The following TPPP variants were observed in gnomAD, a reference collection of about 807,000 sequenced individuals.
The protein encoded by TPPP is tubulin polymerization promoting protein, also known as tubulin polymerization-promoting protein.
A neutral mutation model predicts 15.5 loss-of-function variants in TPPP; 6 were observed. The observed-to-expected ratio is 0.39, with a 90% CI of 0.21 to 0.77. The LOEUF is 0.77. TPPP is among the 30% of genes least tolerant of loss of function. The pLI, the probability that TPPP is intolerant of heterozygous loss-of-function variation, is 0.42. For missense variants in TPPP, 269 were observed against 307.2 expected, an observed-to-expected ratio of 0.88 and a Z score of 0.93; for synonymous variants, 146 against 133.9, an observed-to-expected ratio of 1.09 and a Z score of -0.63.
chr5:686,039 C>A (rs904317436), intron 1 of TPPP, among the ~76,000 whole-genome samples: 1 of 152,148 alleles, frequency 6.6e-6, no homozygotes, highest in African/African-American at 2.4e-5. Context: ...GACGCTGTGG[C>A]GGAGACTGAT....
intron 1 of TPPP, among the ~76,000 whole-genome samples, chr5:692,181 G>GC (rs145056763): frequency 0.73 from 29,438 of 40,150 alleles, 10,929 homozygotes; most frequent in African/African-American, 0.89. Flanking sequence ...CAAAACAGCA[G>GC]CCCCCAACCC....
chr5:675,465 G>GTGTGGCCA (rs1554022375), intron 2 of TPPP, among the ~76,000 whole-genome samples: 933 of 45,458 alleles, frequency 0.021, 17 homozygotes, highest in South Asian at 0.027. Flanking sequence ...GTGCAGCACA[G>GTGTGGCCA]GGGGTGCAGT....
chr5:674,629 C>A (rs886845628), intron 2 of TPPP, among the ~76,000 whole-genome samples: 2 of 152,108 alleles, frequency 1.3e-5, no homozygotes, highest in East Asian at 3.9e-4. Context: ...TGGTGACCCA[C>A]CAGAGCGGCC....
At chr5:683,265 G>A (rs1204893340) in intron 1 of TPPP, among the ~76,000 whole-genome samples, 1 of 140,160 alleles carries the variant, frequency 7.1e-6, no homozygotes, top group Non-Finnish European at 1.5e-5. Context: ...GGCACAGCCC[G>A]AGGGAGAACC....
In TPPP at chr5:679,546, CTG is replaced by C. The variant is rs555819713; in HGVS notation, c.-4-1484_-4-1483del. 2.6e-4 allele frequency among the ~76,000 whole-genome samples: 39 copies of C among 152,146 alleles called. No individual in the cohort carries two copies. The South Asian group carries it at 7.9e-3, about 31-fold the overall frequency. On this transcript the variant is annotated intron_variant, in intron 1 of 3. Coordinates refer to ENST00000360578, the MANE Select transcript of TPPP (RefSeq NM_007030.3). ...AACAGGAGCTTCTCACAGGCCTGGT[CTG>C]TGTTTCCCCTGGGCCTCTGCAGCAG... is the stretch of plus-strand genomic sequence containing the variant.
intron 1 of TPPP, among the ~76,000 whole-genome samples, chr5:685,584 C>T (rs1008037813): frequency 6.6e-6 from 1 of 152,186 alleles, no homozygotes; most frequent in African/African-American, 2.4e-5. Flanking sequence ...ATGGCCCTGG[C>T]CACCTCCACT....
chr5:673,547 C>T (rs963133356), intron 2 of TPPP, among the ~76,000 whole-genome samples: 1 of 152,190 alleles, frequency 6.6e-6, no homozygotes, highest in Non-Finnish European at 1.5e-5. Context: ...GCAGGACAAT[C>T]TCCCACACGG....
chr5:668,511 C>T (rs375538109), intron 2 of TPPP, among the ~76,000 whole-genome samples: 11 of 152,136 alleles, frequency 7.2e-5, no homozygotes, highest in South Asian at 2.1e-4. Flanking sequence ...GAAACCACAG[C>T]GAGGCCCCTG....
chr5:665,164 C>T lies in TPPP; in HGVS notation c.598G>A (p.Gly200Ser), dbSNP rs1187324219. The change falls in exon 4 of 4, where the codon GGC becomes AGC. Residue 200 changes from glycine to serine, a missense_variant. Transcript: ENST00000360578. ...AGRVDLVDES[G>S]YVSGYKHAGT... ...GCGTGCTTGTAGCCGGACACATAGC[C>T]TGACTCGTCCACCAGATCCACGCGG... 1 of 1,613,496 alleles carries T rather than the reference C, an allele frequency of 6.2e-7. No individual in the cohort carries two copies. Among genetic ancestry groups the T allele is most frequent in the Non-Finnish European group, 8.5e-7 (1 of 1,179,998 alleles).
At chr5:675,391 G>T in intron 2 of TPPP, among the ~76,000 whole-genome samples, 1 of 136,110 alleles carries the variant, frequency 7.3e-6, no homozygotes, top group South Asian at 2.5e-4. Flanking sequence ...AGCGCAGAGG[G>T]TGCAGTGTGG....
upstream of TPPP, chr5:693,426 C>CCAGCCCCCAGCGT (rs1740950327): frequency 1.4e-5 from 2 of 147,794 alleles, no homozygotes; most frequent in African/African-American, 4.9e-5. Flanking sequence ...CGGGCCCGCC[C>CCAGCCCCCAGCGT]CCGGCCCCCA....
At chr5:693,117 C>A (rs1425785119) in intron 1 of TPPP, among the ~76,000 whole-genome samples, 161 bp downstream of exon 1, 4 of 101,842 alleles carry the variant, frequency 3.9e-5, no homozygotes, top group African/African-American at 1.4e-4. Context: ...CATCCCAATC[C>A]GGGGGCTCAG....
upstream of TPPP, chr5:693,392 G>A (rs1343688502): frequency 3.1e-5 from 3 of 97,538 alleles, no homozygotes; most frequent in African/African-American, 1.2e-4. Flanking sequence ...GCCCAGCACC[G>A]CCCAGCCCCG....
At chr5:679,653 T>C (rs370665) in intron 1 of TPPP, among the ~76,000 whole-genome samples, 1,760 of 130,740 alleles carry the variant, frequency 0.013, 8 homozygotes, top group South Asian at 0.025. Flanking sequence ...CAGTGGTGGG[T>C]GTGCGGGTCA....
chr5:674,847 G>A (rs1056804065), intron 2 of TPPP, among the ~76,000 whole-genome samples: 3 of 151,698 alleles, frequency 2.0e-5, no homozygotes, highest in African/African-American at 7.3e-5. Context: ...GATGATGTGG[G>A]AGCTCCAGCG....
At chr5:668,642 C>T (rs1561082493) in intron 2 of TPPP, among the ~76,000 whole-genome samples, 1 of 152,260 alleles carries the variant, frequency 6.6e-6, no homozygotes, top group East Asian at 1.9e-4. Context: ...CTGTGGACAG[C>T]TTCTCATCAC....
intron 1 of TPPP, among the ~76,000 whole-genome samples, chr5:692,140 C>A (rs1740897231): frequency 8.8e-6 from 1 of 113,862 alleles, no homozygotes; most frequent in Admixed American, 8.9e-5. Context: ...CCCCCCAGAC[C>A]CCATCAAAAC....
chr5:680,989 C>T (rs891804586), intron 1 of TPPP, among the ~76,000 whole-genome samples: 28 of 152,198 alleles, frequency 1.8e-4, no homozygotes, highest in African/African-American at 6.8e-4. Context: ...TGGATCGCTT[C>T]ATTAGACCCA....
At chr5:675,984 C>G (rs900718275) in intron 2 of TPPP, 1 of 152,088 alleles carries the variant, frequency 6.6e-6, no homozygotes, top group East Asian at 1.9e-4. Context: ...AGCTCGCACC[C>G]GGGGCCCTGG....
Sources: gnomAD v4.1 joint callset for allele counts (sites outside exome capture counted in the v4.1 genomes callset) on GRCh38, gnomAD v4.1.1 for gene constraint, MANE v1.5 for transcripts, NCBI Gene and HGNC (gene_info 2026-07-23, HGNC 2026-07-21) for gene names.